Variants in TMCC1 observed in about 807,000 individuals in gnomAD.
TMCC1 encodes transmembrane and coiled-coil domain family 1, also known as transmembrane and coiled-coil domains protein 1.
In TMCC1, 15 loss-of-function variants were observed where a neutral mutation model predicts 52.4. That is an observed-to-expected ratio of 0.29 (90% CI 0.19 to 0.44). TMCC1 has a LOEUF of 0.44. TMCC1 is among the 20% of genes least tolerant of loss of function. The pLI is 1.00. For missense variants in TMCC1, 503 were observed against 806.0 expected (o/e 0.62, Z 4.55); for synonymous variants, 279 against 301.9 (o/e 0.92, Z 0.79).
intron 4 of TMCC1, among the ~76,000 whole-genome samples, chr3:129,674,358 G>A (rs570647096): frequency 2.6e-5 from 4 of 152,110 alleles, no homozygotes; most frequent in Admixed American, 1.3e-4. Context: ...AGAACCCAAC[G>A]TCTTCAGCCT....
chr3:129,810,554 C>A (rs1023128551), intron 4 of TMCC1, among the ~76,000 whole-genome samples: 39 of 152,132 alleles, frequency 2.6e-4, no homozygotes, highest in Non-Finnish European at 4.7e-4. Context: ...GAAACTTAAG[C>A]AAGTTCACCC....
At chr3:129,725,120 C>A (rs1040829119) in intron 4 of TMCC1, among the ~76,000 whole-genome samples, 3 of 152,010 alleles carry the variant, frequency 2.0e-5, no homozygotes, top group African/African-American at 7.3e-5. Flanking sequence ...ATTTCATTTT[C>A]TTTTTCTTTT....
Position 129,737,859 on chromosome 3 carries a change from T to C in TMCC1, c.577-66595A>G, listed in dbSNP as rs34788884. ...ATATTAAAAAGTTGACCACTTAAAATAGTTCCACTGTAACCAAGGATCTAA... is the reference window on the plus strand; with the variant it reads ...ATATTAAAAAGTTGACCACTTAAAACAGTTCCACTGTAACCAAGGATCTAA... On this transcript the variant is annotated intron_variant, in intron 4 of 6. Transcript: ENST00000393238. Among the ~76,000 whole-genome samples the C allele has an allele frequency of 5.2e-3, 792 of 152,290 alleles. 3 individuals are homozygous for C. The highest frequency in any genetic ancestry group is 7.8e-3 in the Non-Finnish European group (528 of 68,012).
chr3:129,666,141 A>T (rs1297498734), intron 5 of TMCC1, among the ~76,000 whole-genome samples: 1 of 152,260 alleles, frequency 6.6e-6, no homozygotes, highest in Non-Finnish European at 1.5e-5. Context: ...CACAAAAAGC[A>T]AAGCCTACAA....
chr3:129,782,909 G>A (rs2055652301), intron 4 of TMCC1, among the ~76,000 whole-genome samples: 1 of 152,110 alleles, frequency 6.6e-6, no homozygotes, highest in African/African-American at 2.4e-5. Context: ...ATGAAATATT[G>A]TTTAAACACT....
intron 2 of TMCC1, among the ~76,000 whole-genome samples, chr3:129,841,277 A>T (rs1315487656): frequency 1.3e-5 from 2 of 152,198 alleles, no homozygotes; most frequent in Non-Finnish European, 2.9e-5. Context: ...TCAAGATGTG[A>T]CCTGGCTTTT....
At chr3:129,755,964 G>C (rs2052964032) in intron 4 of TMCC1, among the ~76,000 whole-genome samples, 1 of 152,160 alleles carries the variant, frequency 6.6e-6, no homozygotes, top group Non-Finnish European at 1.5e-5. Context: ...TGGGCGTGGT[G>C]GTGGGCACCT....
At chr3:129,712,329 GT>G in intron 4 of TMCC1, among the ~76,000 whole-genome samples, 1 of 152,120 alleles carries the variant, frequency 6.6e-6, no homozygotes, top group Non-Finnish European at 1.5e-5. Flanking sequence ...ACTGTCTGTA[GT>G]TTGTAATTTA....
chr3:129,720,714 T>A (rs903928712), intron 4 of TMCC1, among the ~76,000 whole-genome samples: 2 of 152,090 alleles, frequency 1.3e-5, no homozygotes, highest in South Asian at 2.1e-4. Flanking sequence ...ATTATTTTTT[T>A]AAGACAGTCT....
At chr3:129,712,524 T>A (rs2048776426) in intron 4 of TMCC1, among the ~76,000 whole-genome samples, 2 of 152,316 alleles carry the variant, frequency 1.3e-5, no homozygotes, top group East Asian at 3.9e-4. Flanking sequence ...CACCACTCAT[T>A]GCAGCTTCGA....
intron 4 of TMCC1, among the ~76,000 whole-genome samples, chr3:129,752,753 G>C (rs530464395): frequency 1.8e-4 from 28 of 152,066 alleles, no homozygotes; most frequent in Admixed American, 6.6e-4. Flanking sequence ...AAAGAATAAG[G>C]CACCTGTATT....
At chr3:129,704,031 GCT>G (rs1429830793) in intron 4 of TMCC1, among the ~76,000 whole-genome samples, 2 of 152,150 alleles carry the variant, frequency 1.3e-5, no homozygotes, top group African/African-American at 4.8e-5. Context: ...AAAAGAAAAG[GCT>G]TAGCAGTACT....
intron 6 of TMCC1, among the ~76,000 whole-genome samples, chr3:129,652,874 C>T (rs938559464): frequency 8.5e-5 from 13 of 152,220 alleles, no homozygotes; most frequent in Non-Finnish European, 1.5e-4. Flanking sequence ...ACCTACAATT[C>T]CTGTCTCCCT....
chr3:129,825,001 T>A (rs143268044), intron 4 of TMCC1, among the ~76,000 whole-genome samples: 1 of 152,186 alleles, frequency 6.6e-6, no homozygotes, highest in East Asian at 1.9e-4. Context: ...TATTTAATAG[T>A]CACTGTGCTC....
chr3:129,708,967 G>A (rs2048443233), intron 4 of TMCC1, among the ~76,000 whole-genome samples: 1 of 152,022 alleles, frequency 6.6e-6, no homozygotes, highest in Non-Finnish European at 1.5e-5. Flanking sequence ...AGTAATTAGG[G>A]CTTCTTTTAT....
At chr3:129,881,008 C>T (rs1172883441) in intron 1 of TMCC1, among the ~76,000 whole-genome samples, 1 of 151,866 alleles carries the variant, frequency 6.6e-6, no homozygotes, top group Non-Finnish European at 1.5e-5. Flanking sequence ...GCATAACAGG[C>T]GCTTACCACC....
intron 4 of TMCC1, among the ~76,000 whole-genome samples, chr3:129,793,560 A>G (rs2056616472): frequency 2.6e-5 from 4 of 152,234 alleles, no homozygotes; most frequent in African/African-American, 7.2e-5. Flanking sequence ...GGGTTTTGAA[A>G]TAAAGCTCAA....
chr3:129,866,378 G>GC (rs1306395767), intron 2 of TMCC1, among the ~76,000 whole-genome samples: 1 of 108,036 alleles, frequency 9.3e-6, no homozygotes, highest in Admixed American at 9.6e-5. Context: ...ATATATATAT[G>GC]TTTTTTTTTT....
At chr3:129,671,778 T>TA (rs1257885169) in intron 4 of TMCC1, among the ~76,000 whole-genome samples, 9 of 152,358 alleles carry the variant, frequency 5.9e-5, no homozygotes, top group East Asian at 3.9e-4. Flanking sequence ...ATGCAATTTT[T>TA]ATCATAATGA....
Sources: allele counts gnomAD v4.1 joint callset (sites outside exome capture counted in the v4.1 genomes callset), GRCh38; gene constraint gnomAD v4.1.1; transcripts MANE v1.5; gene names NCBI Gene and HGNC (gene_info 2026-07-23, HGNC 2026-07-21).